FGFR1: variants seen among roughly 807,000 people sequenced by gnomAD.
The protein encoded by FGFR1 is fibroblast growth factor receptor 1, also known as FGFR1/PLAG1 fusion.
A neutral mutation model predicts 93.7 loss-of-function variants in FGFR1; 18 were observed. The ratio of observed to expected loss-of-function variants is 0.19; its 90% CI spans 0.13 to 0.28. The LOEUF (loss-of-function observed/expected upper bound fraction) is 0.28, where lower values mean the gene tolerates loss of function less well. Ranked by LOEUF, FGFR1 falls within the 10% of genes least tolerant of loss-of-function variation. The probability of loss-of-function intolerance (pLI) is 1.00; values close to 1 mark genes in which losing one functional copy is unlikely to be tolerated. For synonymous variants in FGFR1, 448 were observed against 429.3 expected (o/e 1.04, Z -0.54); for missense variants, 731 against 1,080.4 (o/e 0.68, Z 4.53).
At position 38,426,297 on chromosome 8, in the gene FGFR1, C is replaced by G. The variant is rs770077966; in HGVS notation, c.622-52G>C. The G allele has an allele frequency of 6.2e-7, 1 of 1,611,648 alleles. No individual in the cohort carries two copies. The highest frequency in any genetic ancestry group is 8.5e-7 in the Non-Finnish European group (1 of 1,179,516). On this transcript the variant is annotated intron_variant, in intron 5 of 17. Transcript: ENST00000447712. This position sits in a 1 kb window ranked among gnomAD's most constrained non-coding sequence, Gnocchi z 4.1. ...TTGAGGGTCCAGAGGAAAATGCAGG[C>G]CCCATGACAATGTCGGCACCCCGTG...
chr8:38,427,820 G>A (rs937256993), intron 5 of FGFR1, 101 bp downstream of exon 5: 14 of 1,309,830 alleles, frequency 1.1e-5, no homozygotes, highest in Admixed American at 6.8e-5. Flanking sequence ...CTGTATAGGT[G>A]GAAAGTATTA....
At chr8:38,453,671 G>A (rs1473470849) in intron 2 of FGFR1, among the ~76,000 whole-genome samples, 5 of 152,190 alleles carry the variant, frequency 3.3e-5, no homozygotes, top group Admixed American at 6.5e-5. Flanking sequence ...GGAAGCCGAG[G>A]TGGGCAGATC....
In FGFR1 at chr8:38,413,645, C is replaced by T. The variant is rs17182456; in HGVS notation, c.2452G>A (p.Gly818Arg). ...GGTGGCAGTCAGCGGCGTTTGAGTC[C>T]GCCATTGGCAAGCTGGGCTGGGTGT... is the stretch of plus-strand genomic sequence containing the variant. ...PRHPAQLANG[G>R]LKRR The change falls in exon 18 of 18, where the codon GGA becomes AGA. Residue 818 changes from glycine to arginine, a missense_variant. Transcript: ENST00000447712. This position sits in a 1 kb window ranked among gnomAD's most constrained non-coding sequence, Gnocchi z 4.2. 1.4e-5 allele frequency: 22 copies of T among 1,611,468 alleles called. No homozygotes were observed. The highest frequency in any genetic ancestry group is 1.7e-4 in the Middle Eastern group (1 of 5,752).
At chr8:38,417,747 A>G in intron 11 of FGFR1, 123 bp downstream of exon 11, 1 of 1,402,266 alleles carries the variant, frequency 7.1e-7, no homozygotes, top group Non-Finnish European at 1.0e-6. Context: ...GGTAACCCCA[A>G]GCAGGCAGCG....
intron 1 of FGFR1, among the ~76,000 whole-genome samples, chr8:38,466,895 A>ACC (rs35393411): frequency 2.7e-4 from 36 of 135,800 alleles, no homozygotes; most frequent in African/African-American, 9.1e-4. Context: ...TTCACACCCC[A>ACC]CCCCCCCCCC....
intron 2 of FGFR1, among the ~76,000 whole-genome samples, chr8:38,441,498 C>T (rs1056046010): frequency 1.3e-5 from 2 of 152,166 alleles, no homozygotes; most frequent in African/African-American, 4.8e-5. Context: ...TTTACTGATA[C>T]ATTAAGGACA....
intron 2 of FGFR1, among the ~76,000 whole-genome samples, chr8:38,443,542 G>A (rs575228180): frequency 6.6e-6 from 1 of 151,424 alleles, no homozygotes; most frequent in Non-Finnish European, 1.5e-5. Context: ...GCATGGTAGC[G>A]TGCACCTGTG....
rs188117153 is a variant in FGFR1 at position 38,413,058 on chromosome 8, T to A, written c.*570A>T. On this transcript the variant is annotated 3_prime_UTR_variant, in exon 18 of 18. Transcript: ENST00000447712. This position sits in a 1 kb window ranked among gnomAD's most constrained non-coding sequence, Gnocchi z 4.2. ...CAGGGCCACAACACTGCCCCCAACC[T>A]GGCCTTCGCCTCACCATCCTCTGGT... The A allele has an allele frequency of 2.5e-5, 6 of 237,870 alleles. No homozygotes were observed. The East Asian group carries it at 3.6e-4, about 14-fold the overall frequency. 14.7% of individuals were successfully genotyped at this position (237,870 alleles called of 1,614,324 possible).
rs1815263309 is a variant in FGFR1, at chr8:38,413,848, C to T, written c.2293-44G>A. On this transcript the variant is annotated intron_variant, in intron 17 of 17. Transcript: ENST00000447712. The surrounding 1 kb of genome is among the most constrained non-coding windows in gnomAD (Gnocchi z 4.2). ...AGCAGCGATGGGCCGGGCCCCTCCT[C>T]CCTGCTCAGGGAGGTGCGTGCACGC... The T allele has an allele frequency of 6.2e-7, 1 of 1,613,698 alleles. No individual in the cohort carries two copies. The highest frequency in any genetic ancestry group is 8.5e-7 in the Non-Finnish European group (1 of 1,179,756).
rs771734626 is a variant in FGFR1 at position 38,426,130 on chromosome 8, T to C, written c.737A>G (p.Asp246Gly). Residue 246 changes from aspartate to glycine, a missense_variant, in exon 6 of 18, where the codon GAT (aspartate) becomes GGT (glycine). By Grantham distance (94) the Asp-to-Gly change is moderately conservative. Around this residue, in one of 10 missense-constraint regions of FGFR1, gnomAD observed 109 missense variants for 249.4 expected, o/e 0.44. Coordinates refer to ENST00000447712, the MANE Select transcript of FGFR1 (RefSeq NM_023110.3). This position sits in a 1 kb window ranked among gnomAD's most constrained non-coding sequence, Gnocchi z 4.1. Reference sequence around the variant, plus strand: ...TGCCTCTGCCCTCTTACCCACGACATCCAGCTGGTATGTGTGGTTGATGCT... The same window carrying C: ...TGCCTCTGCCCTCTTACCCACGACACCCAGCTGGTATGTGTGGTTGATGCT... ...YGSINHTYQL[D>G]VVERSPHRPI... is the part of the protein sequence containing the mutation. The C allele has an allele frequency of 6.2e-7, 1 of 1,614,076 alleles. No individual in the cohort carries two copies. Among genetic ancestry groups the C allele is most frequent in the Non-Finnish European group, 8.5e-7 (1 of 1,180,014 alleles).
At chr8:38,459,261 C>T (rs1833781403) in intron 1 of FGFR1, among the ~76,000 whole-genome samples, 1 of 152,194 alleles carries the variant, frequency 6.6e-6, no homozygotes, top group African/African-American at 2.4e-5. Context: ...TTCCCCGGAA[C>T]ATGCCCTAAT....
rs752961023 is a variant in FGFR1, at chr8:38,424,475, T to G, written c.936+34A>C. On this transcript the variant is annotated intron_variant, in intron 7 of 17. Coordinates refer to ENST00000447712, the MANE Select transcript of FGFR1 (RefSeq NM_023110.3). The surrounding 1 kb of genome is among the most constrained non-coding windows in gnomAD (Gnocchi z 4.3). The stretch of plus-strand genomic sequence containing the variant: ...CCCGAGACAGTGGTCTCCTTCCCAG[T>G]AGACTGGCCCACGAAGACTGGTGCC... 1.2e-6 allele frequency: 2 copies of G among 1,613,428 alleles called. No individual in the cohort carries two copies. Among genetic ancestry groups the G allele is most frequent in the South Asian group, 2.2e-5 (2 of 91,054 alleles).
intron 7 of FGFR1, chr8:38,422,252 C>A: frequency 6.3e-6 from 3 of 473,586 alleles, no homozygotes; most frequent in Non-Finnish European, 1.2e-5. Context: ...ATGGGGCCGG[C>A]GGGCAGGGGC....
At chr8:38,435,674 C>T (rs1248780379) in intron 2 of FGFR1, 3 of 152,240 alleles carry the variant, frequency 2.0e-5, no homozygotes, top group African/African-American at 7.2e-5. Flanking sequence ...AAGGTCCTTG[C>T]CTCTTCAGCT....
intron 2 of FGFR1, chr8:38,430,234 G>A (rs80205465): frequency 3.5e-5 from 16 of 453,348 alleles, no homozygotes; most frequent in African/African-American, 9.8e-5. Context: ...AGCATTAAGC[G>A]CATTTCATTT....
intron 13 of FGFR1, 77 bp downstream of exon 13, chr8:38,415,793 A>T (rs1391343620): frequency 7.0e-7 from 1 of 1,433,418 alleles, no homozygotes; most frequent in Admixed American, 1.8e-5. Context: ...CCACAAGATG[A>T]TAAGTCACAG....
In FGFR1 at chr8:38,411,784, C is replaced by T. The variant is rs574988190; in HGVS notation, c.*1844G>A. On this transcript the variant is annotated 3_prime_UTR_variant, in exon 18 of 18. Transcript: ENST00000447712. ...AAGCAGCCAAAAAACCAAAAACATT[C>T]GGAGAATTTTCCCCCCGTTCCTGAG... 2 of 230,656 alleles carry T rather than the reference C, an allele frequency of 8.7e-6. No individual in the cohort carries two copies. Among genetic ancestry groups the T allele is most frequent in the East Asian group, 6.2e-5 (1 of 16,206 alleles). The allele number at this position is 230,656 out of a possible 1,614,324, so 14.3% of individuals were successfully genotyped here.
In FGFR1 at chr8:38,417,161, C is replaced by T. The variant is rs552621342; in HGVS notation, c.1663+145G>A. On this transcript the variant is annotated intron_variant, in intron 12 of 17. Coordinates refer to ENST00000447712, the MANE Select transcript of FGFR1 (RefSeq NM_023110.3). ...AACACCAATGAGCGGAGCCCAGATCCCGAGATAACACATTTTAAACCTCTG... is the reference window on the plus strand; with the variant it reads ...AACACCAATGAGCGGAGCCCAGATCTCGAGATAACACATTTTAAACCTCTG... 4.2e-6 allele frequency: 3 copies of T among 720,178 alleles called. No homozygotes were observed. In the East Asian group the frequency reaches 7.7e-5, roughly 18 times the overall value. 44.6% of individuals were successfully genotyped at this position (720,178 alleles called of 1,614,324 possible). A position where few individuals can be genotyped will look rare whatever the true frequency, so the allele number is the denominator to read the frequency against.
At chr8:38,447,368 T>C (rs573756761) in intron 2 of FGFR1, among the ~76,000 whole-genome samples, 1 of 152,310 alleles carries the variant, frequency 6.6e-6, no homozygotes, top group Admixed American at 6.5e-5. Context: ...TTAAGATAGG[T>C]TACTTAACCC....
Sources: gnomAD v4.1 joint callset for allele counts (sites outside exome capture counted in the v4.1 genomes callset) on GRCh38, gnomAD v4.1.1 for gene constraint, gnomAD v4.1.1 regional missense constraint, Gnocchi (gnomAD v3.1) non-coding constraint, MANE v1.5 for transcripts, NCBI Gene and HGNC (gene_info 2026-07-23, HGNC 2026-07-21) for gene names.